TMEM254: variants seen among roughly 807,000 people sequenced by gnomAD.
TMEM254 encodes transmembrane protein 254.
In TMEM254, 16 loss-of-function variants were observed where a neutral mutation model predicts 13.9. The ratio of observed to expected loss-of-function variants is 1.15; its 90% CI spans 0.78 to 1.75. The LOEUF (loss-of-function observed/expected upper bound fraction) is 1.75. Ranked by LOEUF, TMEM254 falls within the 40% of genes most tolerant of loss-of-function variation. The probability of loss-of-function intolerance (pLI) is 0.00; values close to 1 mark genes in which losing one functional copy is unlikely to be tolerated. For missense variants in TMEM254, 155 were observed against 149.0 expected (o/e 1.04, Z -0.21); for synonymous variants, 61 against 56.4 (o/e 1.08, Z -0.36).
At chr10:80,088,601 T>G (rs1161394096) in intron 3 of TMEM254, among the ~76,000 whole-genome samples, 1 of 151,592 alleles carries the variant, frequency 6.6e-6, no homozygotes, top group Non-Finnish European at 1.5e-5. Flanking sequence ...TCCAGCAACT[T>G]CTACTTTGAG....
chr10:80,085,393 T>C (rs1277428181), intron 3 of TMEM254, among the ~76,000 whole-genome samples: 1 of 151,668 alleles, frequency 6.6e-6, no homozygotes, highest in Admixed American at 6.6e-5. Context: ...AAACTCTGTC[T>C]CTACTAAAAA....
intron 3 of TMEM254, chr10:80,090,230 TCA>T (rs1296793939): frequency 1.4e-5 from 8 of 585,088 alleles, no homozygotes; most frequent in Admixed American, 8.8e-5. Context: ...TTTTTGCACT[TCA>T]TTTTAGGCAG....
In TMEM254 at chr10:80,082,173, G is replaced by A; in HGVS notation, c.220G>A (p.Gly74Arg). The A allele has an allele frequency of 6.2e-7, 1 of 1,614,158 alleles. No homozygotes were observed. Among genetic ancestry groups the A allele is most frequent in the Non-Finnish European group, 8.5e-7 (1 of 1,180,034 alleles). ...GYWLAWLIHV[G>R]ESLYAIVLCK... Reference sequence around the variant, plus strand: ...TTGGCTTGCCTGGCTGATTCATGTGGGAGAGTCCTTGTATGCCATAGTATT... The same window carrying A: ...TTGGCTTGCCTGGCTGATTCATGTGAGAGAGTCCTTGTATGCCATAGTATT... Residue 74 changes from glycine (G) to arginine (R), a missense_variant, in exon 3 of 4, where the codon GGA (glycine) becomes AGA (arginine). Transcript: ENST00000372281.
chr10:80,079,126 T>C, intron 1 of TMEM254: 1 of 1,315,850 alleles, frequency 7.6e-7, no homozygotes, highest in Non-Finnish European at 1.0e-6. Context: ...ACCGCCTATT[T>C]CCGTCCAGCA....
chr10:80,079,022 T>C, intron 1 of TMEM254: 1 of 1,525,998 alleles, frequency 6.6e-7, no homozygotes, highest in East Asian at 2.6e-5. Flanking sequence ...CAGGCTTTTC[T>C]TATATGGGGG....
At chr10:80,087,415 G>T (rs1564572396) in intron 3 of TMEM254, among the ~76,000 whole-genome samples, 2 of 151,868 alleles carry the variant, frequency 1.3e-5, no homozygotes, top group Admixed American at 6.6e-5. Context: ...GGCTGAGGCT[G>T]GTGGATCACC....
At chr10:80,090,144 A>G (rs1381232071) in intron 3 of TMEM254, among the ~76,000 whole-genome samples, 1 of 152,210 alleles carries the variant, frequency 6.6e-6, no homozygotes, top group Non-Finnish European at 1.5e-5. Flanking sequence ...TGTTTTAAAT[A>G]AAAGTCATCC....
At chr10:80,081,212 C>G (rs1739000294) in intron 1 of TMEM254, among the ~76,000 whole-genome samples, 1 of 152,160 alleles carries the variant, frequency 6.6e-6, no homozygotes. Flanking sequence ...GATCAGGCCA[C>G]TGCACTCAAG....
rs754281318 is a variant in TMEM254 at position 80,082,218 on chromosome 10, G to A, written c.251+14G>A. ...AGTATTGTGCAAGTAAGTCTTTGAA[G>A]TAGGTGTTTGTTGCCTTTCTCTTAG... On this transcript the variant is annotated intron_variant, in intron 3 of 3. Transcript: ENST00000372281. The A allele has an allele frequency of 1.2e-6, 2 of 1,613,920 alleles. No homozygotes were observed. Among genetic ancestry groups the A allele is most frequent in the African/African-American group, 1.3e-5 (1 of 75,018 alleles).
chr10:80,081,802 T>C (rs750541916), intron 1 of TMEM254, 39 bp from the exon 2 acceptor site: 1 of 1,611,730 alleles, frequency 6.2e-7, no homozygotes, highest in Non-Finnish European at 8.5e-7. Flanking sequence ...AGGTTTTAAG[T>C]GACCTAATAG....
intron 1 of TMEM254, among the ~76,000 whole-genome samples, chr10:80,080,397 AT>A (rs1157929338): frequency 6.6e-6 from 1 of 152,234 alleles, no homozygotes; most frequent in Admixed American, 6.5e-5. Flanking sequence ...GAAAGTTAAG[AT>A]TACGAAAAAT....
At chr10:80,080,896 A>G (rs1352560744) in intron 1 of TMEM254, among the ~76,000 whole-genome samples, 1 of 152,160 alleles carries the variant, frequency 6.6e-6, no homozygotes, top group Non-Finnish European at 1.5e-5. Flanking sequence ...CCTGGCCAAC[A>G]TGGTGAAACT....
intron 3 of TMEM254, among the ~76,000 whole-genome samples, chr10:80,088,017 T>G (rs762087836): frequency 2.0e-5 from 3 of 152,228 alleles, no homozygotes; most frequent in Non-Finnish European, 4.4e-5. Flanking sequence ...ATTTTTTTCT[T>G]TCACATTTAA....
At chr10:80,084,929 G>A (rs1446154001) in intron 3 of TMEM254, among the ~76,000 whole-genome samples, 6 of 152,168 alleles carry the variant, frequency 3.9e-5, no homozygotes, top group African/African-American at 1.4e-4. Context: ...TGGTTCAAGC[G>A]ATTGTCTGGC....
At chr10:80,089,933 A>G (rs1472614738) in intron 3 of TMEM254, among the ~76,000 whole-genome samples, 1 of 150,188 alleles carries the variant, frequency 6.7e-6, no homozygotes, top group Non-Finnish European at 1.5e-5. Flanking sequence ...TCAACCCGGG[A>G]GGCAGAGCTT....
At chr10:80,078,920 G>T in intron 1 of TMEM254, 134 bp downstream of exon 1, 1 of 1,523,286 alleles carries the variant, frequency 6.6e-7, no homozygotes, top group Non-Finnish European at 8.9e-7. Context: ...GCTAGGAGCG[G>T]AGGGGAGGGG....
chr10:80,078,785 CAGTA>C lies in TMEM254; in HGVS notation c.87+2_87+5del. 1 of 1,600,340 alleles carries C rather than the reference CAGTA, an allele frequency of 6.2e-7. No homozygotes were observed. The highest frequency in any genetic ancestry group is 8.5e-7 in the Non-Finnish European group (1 of 1,173,504). On this transcript the variant is annotated splice_donor_variant and splice_donor_region_variant and coding_sequence_variant and intron_variant, in exon 1 of 4. Coordinates refer to ENST00000372281, the MANE Select transcript of TMEM254 (RefSeq NM_025125.4). LOFTEE classifies it high-confidence loss of function. ...ATCACCCTCAGCTTTGGCTACTACA[CAGTA>C]AGGACAGCCGCTGGAGCGCTACGGT... is the stretch of plus-strand genomic sequence containing the variant.
At chr10:80,082,282 T>C in intron 3 of TMEM254, 78 bp downstream of exon 3, 1 of 1,506,882 alleles carries the variant, frequency 6.6e-7, no homozygotes. Context: ...TTTAAATAGT[T>C]CACACACTTG....
chr10:80,083,675 G>A (rs1351065334), intron 3 of TMEM254, among the ~76,000 whole-genome samples: 1 of 152,194 alleles, frequency 6.6e-6, no homozygotes, highest in Admixed American at 6.5e-5. Context: ...GAAGGGTGCA[G>A]TTGATATCTT....
Sources: allele counts gnomAD v4.1 joint callset (sites outside exome capture counted in the v4.1 genomes callset), GRCh38; gene constraint gnomAD v4.1.1; transcripts MANE v1.5; gene names NCBI Gene and HGNC (gene_info 2026-07-23, HGNC 2026-07-21).